Variants in EPS15 observed in about 807,000 individuals in gnomAD.
EPS15 encodes epidermal growth factor receptor substrate 15.
In EPS15, 72 loss-of-function variants were observed where a neutral mutation model predicts 113.8. That is an observed-to-expected ratio of 0.63 (90% CI 0.52 to 0.77). EPS15 has a LOEUF of 0.77. Ranked by LOEUF, EPS15 falls within the 30% of genes least tolerant of loss-of-function variation. The pLI, the probability that EPS15 is intolerant of heterozygous loss-of-function variation, is 0.00. For synonymous variants in EPS15, 344 were observed against 363.4 expected, an observed-to-expected ratio of 0.95 and a Z score of 0.61; for missense variants, 1,048 against 1,045.8, an observed-to-expected ratio of 1.00 and a Z score of -0.03.
chr1:51,403,082 T>C (rs1648740166), intron 17 of EPS15, among the ~76,000 whole-genome samples: 1 of 152,210 alleles, frequency 6.6e-6, no homozygotes, highest in Non-Finnish European at 1.5e-5. Flanking sequence ...TAAAATATCA[T>C]TTAATTTTTA....
chr1:51,463,555 G>A, intron 7 of EPS15, 118 bp downstream of exon 7: 1 of 550,922 alleles, frequency 1.8e-6, no homozygotes, highest in Non-Finnish European at 3.0e-6. Context: ...ATCCTATAAT[G>A]ATACAACTTT....
chr1:51,386,833 C>T lies in EPS15; in HGVS notation c.2119+7548G>A, dbSNP rs534360328. On this transcript the variant is annotated intron_variant, in intron 21 of 24. Transcript: ENST00000371733. Reference sequence around the variant, plus strand: ...ATGGGACTATGTGAAAAGACCAAATCTACATCTGATTGGTGTACCTGAAAG... The same window carrying T: ...ATGGGACTATGTGAAAAGACCAAATTTACATCTGATTGGTGTACCTGAAAG... Among the ~76,000 whole-genome samples the T allele has an allele frequency of 1.3e-4, 20 of 152,304 alleles. No homozygotes were observed. In the East Asian group the frequency reaches 3.7e-3, roughly 28 times the overall value.
chr1:51,495,684 C>CAA (rs112390241), intron 1 of EPS15, among the ~76,000 whole-genome samples: 3,421 of 145,468 alleles, frequency 0.024, 35 homozygotes, highest in Middle Eastern at 0.035. Flanking sequence ...AAGAATTTGG[C>CAA]AAAAAAAAAA....
chr1:51,486,097 C>T (rs554542430), intron 1 of EPS15, among the ~76,000 whole-genome samples: 3 of 151,800 alleles, frequency 2.0e-5, no homozygotes, highest in Non-Finnish European at 4.4e-5. Context: ...CATGCGCAGT[C>T]GAGTCTTTCT....
At chr1:51,402,840 G>C (rs1311274424) in intron 17 of EPS15, among the ~76,000 whole-genome samples, 1 of 152,184 alleles carries the variant, frequency 6.6e-6, no homozygotes, top group Non-Finnish European at 1.5e-5. Flanking sequence ...GGGAGGTGGA[G>C]GTTGCAGTGA....
At chr1:51,430,751 T>C (rs1455953010) in intron 12 of EPS15, among the ~76,000 whole-genome samples, 1 of 152,058 alleles carries the variant, frequency 6.6e-6, no homozygotes, top group Non-Finnish European at 1.5e-5. Flanking sequence ...AGCCAAGAGT[T>C]TGAGACCATG....
intron 19 of EPS15, 78 bp from the exon 20 acceptor site, chr1:51,399,243 A>G: frequency 7.2e-7 from 1 of 1,383,194 alleles, no homozygotes; most frequent in South Asian, 1.3e-5. Flanking sequence ...AGGTATGATC[A>G]GTGCCTTAAT....
chr1:51,465,264 T>C lies in EPS15; in HGVS notation c.372A>G (p.Val124=). Residue 124 remains valine, a synonymous_variant, in exon 6 of 25, where the codon GTA becomes GTG. Coordinates refer to ENST00000371733, the MANE Select transcript of EPS15 (RefSeq NM_001981.3). ...AATAGTTACAAAGTTTACTTACTTT[T>C]ACAGCCCATGGGAGCTCAGCTGCAG... ...GTSAAELPWA[V]KPEDKAKYDA... The C allele has an allele frequency of 6.2e-7, 1 of 1,602,478 alleles. No homozygotes were observed. Among genetic ancestry groups the C allele is most frequent in the South Asian group, 1.1e-5 (1 of 89,976 alleles).
intron 12 of EPS15, among the ~76,000 whole-genome samples, chr1:51,433,495 T>G (rs1478101665): frequency 6.6e-6 from 1 of 152,202 alleles, no homozygotes; most frequent in Admixed American, 6.5e-5. Context: ...CTATATTGCC[T>G]CATTAGAAGT....
intron 21 of EPS15, among the ~76,000 whole-genome samples, chr1:51,374,615 C>G (rs1216249089): frequency 2.0e-5 from 3 of 152,136 alleles, no homozygotes; most frequent in African/African-American, 7.2e-5. Context: ...CAAAACAAAA[C>G]AAACAAACAA....
At chr1:51,427,232 T>C (rs1452777001) in intron 12 of EPS15, among the ~76,000 whole-genome samples, 1 of 152,164 alleles carries the variant, frequency 6.6e-6, no homozygotes, top group South Asian at 2.1e-4. Context: ...GAATATCTAC[T>C]TTACAAACCA....
At chr1:51,518,505 T>G (rs1462763797) in intron 1 of EPS15, 1 of 152,810 alleles carries the variant, frequency 6.5e-6, no homozygotes, top group Non-Finnish European at 1.5e-5. Flanking sequence ...AAGGCTGCAT[T>G]GGGGGTCTGA....
At chr1:51,404,270 C>T (rs1257136057) in intron 16 of EPS15, among the ~76,000 whole-genome samples, 3 of 150,458 alleles carry the variant, frequency 2.0e-5, no homozygotes, top group South Asian at 2.1e-4. Flanking sequence ...AGCTTAAACC[C>T]GGGAGGCTGA....
Position 51,409,734 on chromosome 1 carries a change from C to T in EPS15, c.1114-38G>A, listed in dbSNP as rs184762950. ...AAAATTAATATATTTATTTTCTTTG[C>T]GGGCAGGGGAGGGTTAAGTTAGTAA... On this transcript the variant is annotated intron_variant, in intron 13 of 24. Coordinates refer to ENST00000371733, the MANE Select transcript of EPS15 (RefSeq NM_001981.3). 1.1e-3 allele frequency: 1,544 copies of T among 1,437,740 alleles called. 3 individuals carry two copies. The highest frequency in any genetic ancestry group is 1.3e-3 in the Non-Finnish European group (1,293 of 1,033,830). The allele number at this position is 1,437,740 out of a possible 1,614,324, so 89.1% of individuals were successfully genotyped here. A position where few individuals can be genotyped will look rare whatever the true frequency, so the allele number is the denominator to read the frequency against.
At chr1:51,512,569 T>A (rs2148567696) in intron 1 of EPS15, among the ~76,000 whole-genome samples, 1 of 152,046 alleles carries the variant, frequency 6.6e-6, no homozygotes, top group South Asian at 2.1e-4. Context: ...GAAGAGTTCT[T>A]ACAAATCAGT....
intron 1 of EPS15, among the ~76,000 whole-genome samples, chr1:51,508,264 G>GAGAAAGAA (rs1644542570): frequency 7.5e-6 from 1 of 132,502 alleles, no homozygotes; most frequent in Non-Finnish European, 1.6e-5. Flanking sequence ...GAGAGAGAGA[G>GAGAAAGAA]AGAGAGAGAA....
chr1:51,501,177 G>C (rs989297922), intron 1 of EPS15, among the ~76,000 whole-genome samples: 1 of 152,046 alleles, frequency 6.6e-6, no homozygotes, highest in Admixed American at 6.5e-5. Context: ...AGAGCCCGAG[G>C]CGGGCAGATC....
intron 17 of EPS15, 36 bp downstream of exon 17, chr1:51,403,383 A>G: frequency 8.6e-7 from 1 of 1,163,858 alleles, no homozygotes; most frequent in Non-Finnish European, 1.3e-6. Context: ...TTCCACCCTT[A>G]CAAGTCCCCA....
Position 51,465,303 on chromosome 1 carries a change from T to C in EPS15, c.333A>G (p.Leu111=). The change falls in exon 6 of 25, where the codon CTA becomes CTG. Residue 111 remains leucine, a synonymous_variant. Coordinates refer to ENST00000371733, the MANE Select transcript of EPS15 (RefSeq NM_001981.3). Reference sequence around the variant, plus strand: ...GCTCAGCTGCAGAGGTTCCACTGATTAGCAAAGGACTACTGGTATCATGCT... The same window carrying C: ...GCTCAGCTGCAGAGGTTCCACTGATCAGCAAAGGACTACTGGTATCATGCT... ...PRFHDTSSPL[L]ISGTSAAELP... is the part of the protein sequence containing the mutation. 1.2e-6 allele frequency: 2 copies of C among 1,611,474 alleles called. No individual in the cohort carries two copies. Among genetic ancestry groups the C allele is most frequent in the South Asian group, 1.1e-5 (1 of 90,762 alleles).
Sources: allele counts gnomAD v4.1 joint callset (sites outside exome capture counted in the v4.1 genomes callset), GRCh38; gene constraint gnomAD v4.1.1; transcripts MANE v1.5; gene names NCBI Gene and HGNC (gene_info 2026-07-23, HGNC 2026-07-21).